KSR2: variants seen among roughly 807,000 people sequenced by gnomAD.
KSR2 encodes kinase suppressor of ras 2.
A neutral mutation model predicts 107.8 loss-of-function variants in KSR2; 25 were observed. The observed-to-expected ratio is 0.23, with a 90% CI of 0.17 to 0.32. The LOEUF (loss-of-function observed/expected upper bound fraction) is 0.32. KSR2 is among the 10% of genes least tolerant of loss of function. The pLI, the probability that KSR2 is intolerant of heterozygous loss-of-function variation, is 1.00. For synonymous variants in KSR2, 480 were observed against 507.0 expected, an observed-to-expected ratio of 0.95 and a Z score of 0.71; for missense variants, 887 against 1,268.9, an observed-to-expected ratio of 0.70 and a Z score of 4.57.
At chr12:117,931,620 G>A (rs1327447296) in intron 1 of KSR2, among the ~76,000 whole-genome samples, 3 of 152,164 alleles carry the variant, frequency 2.0e-5, no homozygotes, top group East Asian at 1.9e-4. Flanking sequence ...CTGCTCATAC[G>A]TGTCAAGATT....
chr12:117,572,911 T>C (rs1050512106), intron 7 of KSR2, among the ~76,000 whole-genome samples: 1 of 152,154 alleles, frequency 6.6e-6, no homozygotes, highest in Non-Finnish European at 1.5e-5. Context: ...GACACATGAT[T>C]GAAGGCTGGG....
chr12:117,958,115 G>A (rs1460035181), intron 1 of KSR2, among the ~76,000 whole-genome samples: 1 of 152,158 alleles, frequency 6.6e-6, no homozygotes, highest in Non-Finnish European at 1.5e-5. Flanking sequence ...TTACAGGCGT[G>A]AGCCACTGCA....
At chr12:117,679,135 C>T (rs748242709) in intron 4 of KSR2, among the ~76,000 whole-genome samples, 8 of 152,144 alleles carry the variant, frequency 5.3e-5, no homozygotes, top group Non-Finnish European at 1.2e-4. Context: ...GACCCAGTGC[C>T]GTCTTCTCTC....
At chr12:117,594,186 A>G (rs1565917117) in intron 5 of KSR2, among the ~76,000 whole-genome samples, 1 of 152,208 alleles carries the variant, frequency 6.6e-6, no homozygotes, top group Non-Finnish European at 1.5e-5. Context: ...AATTGTCCAC[A>G]GAACAAAGGG....
At chr12:117,684,077 C>G (rs1242615492) in intron 4 of KSR2, among the ~76,000 whole-genome samples, 1 of 152,210 alleles carries the variant, frequency 6.6e-6, no homozygotes. Flanking sequence ...GAAAACAAAA[C>G]ACTAAGAGTA....
chr12:117,968,970 C>T lies in KSR2; in HGVS notation c.-715G>A. ...GCAATCGCTCCTGCCTCGCTCCACACCGACATCTTGCCTGTCAATCAAAGG... is the reference window on the plus strand; with the variant it reads ...GCAATCGCTCCTGCCTCGCTCCACATCGACATCTTGCCTGTCAATCAAAGG... On this transcript the variant is annotated 5_prime_UTR_variant, in exon 1 of 20. The change creates a new upstream start codon in the 5' untranslated region. Transcript: ENST00000339824. The T allele has an allele frequency of 5.9e-6, 1 of 169,514 alleles. No individual in the cohort carries two copies. Among genetic ancestry groups the T allele is most frequent in the South Asian group, 1.1e-4 (1 of 9,284 alleles). 10.5% of individuals were successfully genotyped at this position (169,514 alleles called of 1,614,324 possible). A position where few individuals can be genotyped will look rare whatever the true frequency, so the allele number is the denominator to read the frequency against.
intron 3 of KSR2, among the ~76,000 whole-genome samples, chr12:117,839,850 C>G (rs1025928480): frequency 6.6e-6 from 1 of 152,184 alleles, no homozygotes; most frequent in African/African-American, 2.4e-5. Flanking sequence ...CCCCACCAGG[C>G]ATCAGCAGCA....
intron 1 of KSR2, among the ~76,000 whole-genome samples, chr12:117,874,062 T>C (rs1470342812): frequency 6.6e-6 from 1 of 152,242 alleles, no homozygotes; most frequent in Non-Finnish European, 1.5e-5. Context: ...CTGCAAAATG[T>C]CAGAAAAGAT....
intron 14 of KSR2, among the ~76,000 whole-genome samples, chr12:117,493,824 G>T (rs536250058): frequency 6.6e-6 from 1 of 152,074 alleles, no homozygotes. Flanking sequence ...TGCTATTCTC[G>T]TGATAGGGAA....
chr12:117,708,851 TCAC>T (rs1490050338), intron 4 of KSR2, among the ~76,000 whole-genome samples: 7 of 152,144 alleles, frequency 4.6e-5, no homozygotes, highest in Admixed American at 1.3e-4. Context: ...CTGTAACAAA[TCAC>T]CACAACAGTA....
intron 1 of KSR2, among the ~76,000 whole-genome samples, chr12:117,933,528 C>A (rs1299240492): frequency 6.6e-6 from 1 of 151,420 alleles, no homozygotes; most frequent in Non-Finnish European, 1.5e-5. Context: ...GGAGGCGGAG[C>A]TTGCAGTGAG....
Position 117,458,282 on chromosome 12 carries a change from G to T in KSR2, c.*8917C>A, listed in dbSNP as rs1870719649. On this transcript the variant is annotated 3_prime_UTR_variant, in exon 20 of 20. Coordinates refer to ENST00000339824, the MANE Select transcript of KSR2 (RefSeq NM_173598.6). ...TCCTGTCGCCCACCACTCAGAAAAG[G>T]CCTCTGGTTATTGTTGGCCTGTATT... 1.3e-5 allele frequency: 2 copies of T among 152,154 alleles called. No homozygotes were observed. The highest frequency in any genetic ancestry group is 4.1e-4 in the South Asian group (2 of 4,820). The allele number at this position is 152,154 out of a possible 1,614,324, so 9.4% of individuals were successfully genotyped here. A position where few individuals can be genotyped will look rare whatever the true frequency, so the allele number is the denominator to read the frequency against.
intron 1 of KSR2, among the ~76,000 whole-genome samples, chr12:117,906,781 C>T (rs527879530): frequency 6.6e-6 from 1 of 152,134 alleles, no homozygotes; most frequent in Non-Finnish European, 1.5e-5. Context: ...CATGGTGGCT[C>T]ATGCCTGTAA....
chr12:117,787,407 C>A (rs916171756), intron 3 of KSR2, among the ~76,000 whole-genome samples: 2 of 152,018 alleles, frequency 1.3e-5, no homozygotes, highest in Non-Finnish European at 2.9e-5. Context: ...CCACGGCGGG[C>A]GGATCATCTG....
At chr12:117,921,073 G>A (rs1202351927) in intron 1 of KSR2, among the ~76,000 whole-genome samples, 1 of 152,122 alleles carries the variant, frequency 6.6e-6, no homozygotes, top group East Asian at 1.9e-4. Flanking sequence ...TTGAACCCAG[G>A]CTTTGCAATT....
At chr12:117,469,917 CCATT>C (rs1871336063) in intron 18 of KSR2, 122 bp from the exon 19 acceptor site, 1 of 911,602 alleles carries the variant, frequency 1.1e-6, no homozygotes, top group East Asian at 2.6e-5. Context: ...CCTCCATCAT[CCATT>C]CATCCATCCA....
chr12:117,646,185 T>C (rs1047134744), intron 5 of KSR2, among the ~76,000 whole-genome samples: 1 of 152,158 alleles, frequency 6.6e-6, no homozygotes, highest in Non-Finnish European at 1.5e-5. Flanking sequence ...TAATTATCCA[T>C]GATTTTTCAA....
At chr12:117,569,380 C>T (rs988175882) in intron 7 of KSR2, among the ~76,000 whole-genome samples, 12 of 152,052 alleles carry the variant, frequency 7.9e-5, no homozygotes, top group African/African-American at 2.9e-4. Context: ...TGACTGTTTA[C>T]ATAAAAAGAA....
rs568061853 is a variant in KSR2, at chr12:117,949,139, AT to A, written c.180+18936del. On this transcript the variant is annotated intron_variant, in intron 1 of 19. Coordinates refer to ENST00000339824, the MANE Select transcript of KSR2 (RefSeq NM_173598.6). ...ATAAAAACATATATAAATAAAAGTA[AT>A]GGCAAAAACTGCAATTACTTTTGCA... Among the ~76,000 whole-genome samples, 446 of 151,824 alleles carry A rather than the reference AT, an allele frequency of 2.9e-3. 3 individuals are homozygous for A. The highest frequency in any genetic ancestry group is 0.01 in the African/African-American group (426 of 41,466).
Sources: allele counts gnomAD v4.1 joint callset (sites outside exome capture counted in the v4.1 genomes callset), GRCh38; gene constraint gnomAD v4.1.1; transcripts MANE v1.5; gene names NCBI Gene and HGNC (gene_info 2026-07-23, HGNC 2026-07-21).